Variants in G6PD observed in about 807,000 individuals in gnomAD.
G6PD encodes the protein glucose-6-phosphate dehydrogenase.
Under a neutral mutation model 38.2 loss-of-function variants are expected in G6PD, and 2 were observed. The ratio of observed to expected loss-of-function variants is 0.05; its 90% CI spans 0.02 to 0.16. G6PD has a LOEUF of 0.16. G6PD is among the 10% of genes least tolerant of loss of function. G6PD has a pLI of 1.00. For synonymous variants in G6PD, 188 were observed against 196.0 expected, an observed-to-expected ratio of 0.96 and a Z score of 0.34; for missense variants, 310 against 471.6, an observed-to-expected ratio of 0.66 and a Z score of 3.17.
chrX:154,533,436 G>T, intron 8 of G6PD, 140 bp downstream of exon 8: 1 of 750,656 alleles, frequency 1.3e-6, no homozygotes. Context: ...GGTCACCTCC[G>T]GGAGGCCACG....
At position 154,531,941 on chromosome X, in the gene G6PD, G is replaced by C; in HGVS notation, c.*59C>G. On this transcript the variant is annotated 3_prime_UTR_variant, in exon 13 of 13. Coordinates refer to ENST00000393562, the MANE Select transcript of G6PD (RefSeq NM_001360016.2). ...AATGGTCCCGGAGTCCTCCCGACTC[G>C]GGGTCGGGCGGCGGGAAGGAGGGTG... 4.2e-6 allele frequency: 5 copies of C among 1,181,342 alleles called. No individual in the cohort carries two copies. Among genetic ancestry groups the C allele is most frequent in the Non-Finnish European group, 4.5e-6 (4 of 879,494 alleles).
At position 154,534,389 on chromosome X, in the gene G6PD, C is replaced by T. The variant is rs137852332; in HGVS notation, c.593G>A (p.Arg198His). The T allele has an allele frequency of 8.3e-7, 1 of 1,211,638 alleles. No individual in the cohort carries two copies. Among genetic ancestry groups the T allele is most frequent in the Non-Finnish European group, 1.1e-6 (1 of 895,331 alleles). ...CTCCTTGCCCAGGTAGTGGTCGATG[C>T]GGTAGATCTGGTCCTCACGGAACAG... ...SSLFREDQIYRIDHYLGKEMV... is the reference protein window; with the variant it reads ...SSLFREDQIYHIDHYLGKEMV... The change falls in exon 6 of 13, where the codon CGC (arginine) becomes CAC (histidine). Residue 198 changes from arginine (R) to histidine (H), a missense_variant. Around this residue, in one of 4 missense-constraint regions of G6PD, gnomAD observed 168 missense variants for 309.2 expected, o/e 0.54. Transcript: ENST00000393562.
At chrX:154,546,617 T>A (rs1557233402) in intron 1 of G6PD, among the ~76,000 whole-genome samples, 172 bp downstream of exon 1, 1 of 111,215 alleles carries the variant, frequency 9.0e-6, no homozygotes, top group Non-Finnish European at 1.9e-5. Context: ...CCCTTCGCTC[T>A]CGGGGTCTCA....
intron 8 of G6PD, 185 bp from the exon 9 acceptor site, chrX:154,533,313 C>G: frequency 1.9e-6 from 1 of 515,726 alleles, no homozygotes; most frequent in Non-Finnish European, 3.2e-6. Context: ...TGGTCCATCT[C>G]GAGTCTATTC....
intron 2 of G6PD, among the ~76,000 whole-genome samples, chrX:154,542,727 G>C (rs782671606): frequency 3.6e-5 from 4 of 111,976 alleles, no homozygotes; most frequent in South Asian, 3.7e-4. Flanking sequence ...CCCAACTCGG[G>C]GCTCCGGGCA....
rs1448680018 is a variant in G6PD at position 154,546,069 on chromosome X, C to T, written c.87G>A (p.Ser29=). The change falls in exon 2 of 13, where the codon TCG becomes TCA. Residue 29 remains serine, a synonymous_variant. Coordinates refer to ENST00000393562, the MANE Select transcript of G6PD (RefSeq NM_001360016.2). The part of the protein sequence containing the change: ...ELFQGDAFHQ[S]DTHIFIIMGA... The stretch of plus-strand genomic sequence containing the variant: ...CCATGATGATGAATATGTGTGTATC[C>T]GACTGATGGAAGGCATCGCCCTGGA... 11 of 1,209,583 alleles carry T rather than the reference C, an allele frequency of 9.1e-6. No individual in the cohort carries two copies. The highest frequency in any genetic ancestry group is 4.6e-4 in the Middle Eastern group (2 of 4,349).
chrX:154,532,010 T>C lies in G6PD; in HGVS notation c.1538A>G (p.His513Arg), dbSNP rs1557229415. Residue 513 changes from histidine (H) to arginine (R), a missense_variant, in exon 13 of 13, where the codon CAC (histidine) becomes CGC (arginine). Coordinates refer to ENST00000393562, the MANE Select transcript of G6PD (RefSeq NM_001360016.2). ...GTGGGTGCCCAGGGCTCAGAGCTTG[T>C]GGGGGTTCACCCACTTGTAGGTGCC... The part of the protein sequence containing the change: ...YEGTYKWVNP[H>R]KL 2 of 1,209,385 alleles carry C rather than the reference T, an allele frequency of 1.7e-6. No homozygotes were observed. Among genetic ancestry groups the C allele is most frequent in the Non-Finnish European group, 2.2e-6 (2 of 894,812 alleles).
rs371958456 is a variant in G6PD, at chrX:154,545,792, G to A, written c.120+244C>T. The A allele has an allele frequency of 1.3e-4, 45 of 339,809 alleles. No homozygotes were observed. In the East Asian group the frequency reaches 1.4e-3, roughly 10 times the overall value. The allele number at this position is 339,809 out of a possible 1,213,427, so 28.0% of individuals were successfully genotyped here. A position where few individuals can be genotyped will look rare whatever the true frequency, so the allele number is the denominator to read the frequency against. On this transcript the variant is annotated intron_variant, in intron 2 of 12. Transcript: ENST00000393562. ...CGAGGTTGCAGTGAGCCAAGATGGCGCCACTGCACCCCATCCTGGGCGACC... is the reference window on the plus strand; with the variant it reads ...CGAGGTTGCAGTGAGCCAAGATGGCACCACTGCACCCCATCCTGGGCGACC...
chrX:154,533,239 G>A, intron 8 of G6PD, 111 bp from the exon 9 acceptor site: 2 of 902,988 alleles, frequency 2.2e-6, no homozygotes, highest in South Asian at 2.1e-5. Context: ...CCCCTGCTTG[G>A]CTCTGCTCAC....
At chrX:154,545,212 GC>G (rs1410056694) in intron 2 of G6PD, among the ~76,000 whole-genome samples, 2 of 111,267 alleles carry the variant, frequency 1.8e-5, no homozygotes, top group Admixed American at 1.9e-4. Context: ...TCCTATGAGT[GC>G]AGAATGGCGG....
rs1332836101 is a variant in G6PD at position 154,531,822 on chromosome X, C to T, written c.*178G>A. On this transcript the variant is annotated 3_prime_UTR_variant, in exon 13 of 13. Transcript: ENST00000393562. Reference sequence around the variant, plus strand: ...GGCCAGGATGGTCTCGAGTGCTTGGCAGCTGAGGAATGTAGCTGGGCTCGG... The same window carrying T: ...GGCCAGGATGGTCTCGAGTGCTTGGTAGCTGAGGAATGTAGCTGGGCTCGG... 2 of 793,838 alleles carry T rather than the reference C, an allele frequency of 2.5e-6. No homozygotes were observed. Among genetic ancestry groups the T allele is most frequent in the Non-Finnish European group, 3.6e-6 (2 of 559,223 alleles). 65.4% of individuals were successfully genotyped at this position (793,838 alleles called of 1,213,427 possible).
intron 2 of G6PD, among the ~76,000 whole-genome samples, chrX:154,539,783 C>T (rs1401039777): frequency 8.2e-5 from 9 of 110,074 alleles, no homozygotes; most frequent in African/African-American, 3.0e-4. Context: ...AGTGCAGTGG[C>T]GTGATCTTGG....
chrX:154,534,205 G>A (rs2070377292), intron 6 of G6PD, 45 bp from the exon 7 acceptor site: 6 of 1,209,094 alleles, frequency 5.0e-6, no homozygotes, highest in Non-Finnish European at 4.5e-6. Flanking sequence ...GGGCCTCTGT[G>A]GTGCAGGGGC....
chrX:154,544,233 C>T (rs2070619578), intron 2 of G6PD, among the ~76,000 whole-genome samples: 1 of 110,174 alleles, frequency 9.1e-6, no homozygotes. Context: ...GCGATCTCAG[C>T]TCACTGCAAC....
chrX:154,536,255 G>A, intron 2 of G6PD, 77 bp from the exon 3 acceptor site: 1 of 992,891 alleles, frequency 1.0e-6, no homozygotes, highest in African/African-American at 1.9e-5. Context: ...CACCCTTGGT[G>A]ATCTGGGCAC....
chrX:154,532,865 GTC>G, intron 9 of G6PD, 63 bp from the exon 10 acceptor site: 2 of 1,202,787 alleles, frequency 1.7e-6, no homozygotes, highest in Non-Finnish European at 2.3e-6. Context: ...GTGCGTGAGT[GTC>G]TCAGTGGGAG....
Position 154,543,081 on chromosome X carries a change from T to C in G6PD, c.120+2955A>G, listed in dbSNP as rs2472393. 0.65 allele frequency among the ~76,000 whole-genome samples: 71,940 copies of C among 111,337 alleles called. 20,026 individuals are homozygous for C. The highest frequency in any genetic ancestry group is 0.87 in the East Asian group (3,052 of 3,506). On this transcript the variant is annotated intron_variant, in intron 2 of 12. Coordinates refer to ENST00000393562, the MANE Select transcript of G6PD (RefSeq NM_001360016.2). Reference sequence around the variant, plus strand: ...TGAGGCATCAGGCGTGGAAGAAGCCTGGGAGCCGGAGCTGTTCCAGGTGCT... The same window carrying C: ...TGAGGCATCAGGCGTGGAAGAAGCCCGGGAGCCGGAGCTGTTCCAGGTGCT...
intron 5 of G6PD, 173 bp downstream of exon 5, chrX:154,534,995 G>T: frequency 1.9e-6 from 1 of 514,514 alleles, no homozygotes; most frequent in Non-Finnish European, 3.3e-6. Flanking sequence ...GGGAAGCAGA[G>T]CGGAAAGGCG....
chrX:154,546,749 T>C (rs1196791668), intron 1 of G6PD, 40 bp downstream of exon 1: 3 of 1,073,168 alleles, frequency 2.8e-6, no homozygotes, highest in Non-Finnish European at 3.8e-6. Flanking sequence ...CGCGGGACAG[T>C]ACGCTCCTCC....
Sources: allele counts gnomAD v4.1 joint callset (sites outside exome capture counted in the v4.1 genomes callset), GRCh38; gene constraint gnomAD v4.1.1; regional missense constraint gnomAD v4.1.1; transcripts MANE v1.5; gene names NCBI Gene and HGNC (gene_info 2026-07-23, HGNC 2026-07-21).